The following ADAM23 variants were observed in gnomAD, a reference collection of about 807,000 sequenced individuals.
ADAM23 encodes ADAM metallopeptidase domain 23.
In ADAM23, 33 loss-of-function variants were observed where a neutral mutation model predicts 120.1. The ratio of observed to expected loss-of-function variants is 0.27; its 90% CI spans 0.21 to 0.37. ADAM23 has a LOEUF of 0.37. Ranked by LOEUF, ADAM23 falls within the 10% of genes least tolerant of loss-of-function variation. ADAM23 has a pLI of 1.00. For synonymous variants in ADAM23, 367 were observed against 375.2 expected (o/e 0.98, Z 0.25); for missense variants, 862 against 1,058.2 (o/e 0.81, Z 2.57).
At chr2:206,569,742 C>G (rs1697959059) in intron 15 of ADAM23, among the ~76,000 whole-genome samples, 1 of 152,158 alleles carries the variant, frequency 6.6e-6, no homozygotes, top group Non-Finnish European at 1.5e-5. Context: ...GACTTTTCCA[C>G]AGGGGGAGTC....
Position 206,565,119 on chromosome 2 carries a change from T to G in ADAM23, c.1394+51T>G, listed in dbSNP as rs556155014. 6 of 1,575,596 alleles carry G rather than the reference T, an allele frequency of 3.8e-6. 1 individual carries two copies. In the South Asian group the frequency reaches 6.7e-5, roughly 18 times the overall value. On this transcript the variant is annotated intron_variant, in intron 14 of 25. Coordinates refer to ENST00000264377, the MANE Select transcript of ADAM23 (RefSeq NM_003812.4). ...GATATATGCCTTTTGCTAAAATTGC[T>G]GTGTAGAGTTAGAAACAAGGTCTCT...
intron 2 of ADAM23, among the ~76,000 whole-genome samples, chr2:206,461,351 G>A (rs372205864): frequency 1.3e-5 from 2 of 151,936 alleles, no homozygotes; most frequent in East Asian, 1.9e-4. Flanking sequence ...GTGACCCATC[G>A]CGTCTGGCTT....
chr2:206,580,884 A>G (rs1016322024), intron 18 of ADAM23, among the ~76,000 whole-genome samples: 15 of 152,100 alleles, frequency 9.9e-5, no homozygotes, highest in African/African-American at 3.4e-4. Context: ...TATCATTTCA[A>G]TCTCACTGCT....
intron 2 of ADAM23, among the ~76,000 whole-genome samples, chr2:206,479,478 A>T (rs1435756694): frequency 1.3e-5 from 2 of 152,158 alleles, no homozygotes; most frequent in Non-Finnish European, 2.9e-5. Flanking sequence ...TATTCTTAGG[A>T]AGTAAATTTT....
chr2:206,600,625 T>C (rs1243612896), intron 24 of ADAM23, among the ~76,000 whole-genome samples: 1 of 152,226 alleles, frequency 6.6e-6, no homozygotes, highest in African/African-American at 2.4e-5. Flanking sequence ...TTTGTGTATT[T>C]CTTTTATTTT....
At chr2:206,531,762 C>G (rs1344301214) in intron 4 of ADAM23, among the ~76,000 whole-genome samples, 2 of 152,288 alleles carry the variant, frequency 1.3e-5, no homozygotes, top group Non-Finnish European at 2.9e-5. Flanking sequence ...GTGGGGAAAC[C>G]TCACTGGATT....
intron 22 of ADAM23, 59 bp from the exon 23 acceptor site, chr2:206,594,678 C>G (rs1471919293): frequency 6.3e-6 from 10 of 1,591,510 alleles, no homozygotes; most frequent in Non-Finnish European, 8.6e-6. Context: ...AAGCCTCATT[C>G]ATGGAATGAT....
intron 18 of ADAM23, among the ~76,000 whole-genome samples, chr2:206,582,781 G>T (rs1464829025): frequency 6.6e-6 from 1 of 152,156 alleles, no homozygotes; most frequent in Non-Finnish European, 1.5e-5. Context: ...GCATTTGTTT[G>T]TCTGAAAACG....
rs886225760 is a variant in ADAM23, at chr2:206,564,954, CA to C, written c.1346-59del. 8.3e-6 allele frequency: 13 copies of C among 1,575,344 alleles called. No homozygotes were observed. The African/African-American group carries it at 9.5e-5, about 11-fold the overall frequency. On this transcript the variant is annotated intron_variant, in intron 13 of 25. Transcript: ENST00000264377. ...AGAATTATTGTAGGAGTTGTAATACCAAAAAAATATGTGACTTTCTTTGTTT... is the reference window on the plus strand; with the variant it reads ...AGAATTATTGTAGGAGTTGTAATACCAAAAAATATGTGACTTTCTTTGTTT...
intron 2 of ADAM23, among the ~76,000 whole-genome samples, chr2:206,479,313 TA>T (rs1441252690): frequency 6.6e-6 from 1 of 152,198 alleles, no homozygotes; most frequent in Non-Finnish European, 1.5e-5. Flanking sequence ...TGCTATAAAA[TA>T]AGCCTTTTAC....
At chr2:206,574,533 G>T (rs558643946) in intron 18 of ADAM23, among the ~76,000 whole-genome samples, 1 of 151,462 alleles carries the variant, frequency 6.6e-6, no homozygotes, top group Non-Finnish European at 1.5e-5. Context: ...ATCTTAAACA[G>T]TACACTCACA....
At chr2:206,503,769 A>G (rs1165792090) in intron 3 of ADAM23, among the ~76,000 whole-genome samples, 1 of 152,068 alleles carries the variant, frequency 6.6e-6, no homozygotes, top group Non-Finnish European at 1.5e-5. Flanking sequence ...TGGCCTTTTT[A>G]ATGGCTGCTG....
chr2:206,443,785 G>C lies in ADAM23; in HGVS notation c.-82G>C, dbSNP rs1695010140. On this transcript the variant is annotated 5_prime_UTR_variant, in exon 1 of 26. It removes the in-frame stop codon of an upstream open reading frame in the 5' UTR. Coordinates refer to ENST00000264377, the MANE Select transcript of ADAM23 (RefSeq NM_003812.4). ...GGCACCATGCGCGCCGAGCCGGCGTGACCGGCTCCGCCCGCGGCCGCCCCG... is the reference window on the plus strand; with the variant it reads ...GGCACCATGCGCGCCGAGCCGGCGTCACCGGCTCCGCCCGCGGCCGCCCCG... 1.2e-6 allele frequency: 1 copy of C among 813,582 alleles called. No homozygotes were observed. The highest frequency in any genetic ancestry group is 1.5e-6 in the Non-Finnish European group (1 of 670,400). 50.4% of individuals were successfully genotyped at this position (813,582 alleles called of 1,614,324 possible).
At chr2:206,591,380 T>C (rs922771230) in intron 21 of ADAM23, among the ~76,000 whole-genome samples, 1 of 152,244 alleles carries the variant, frequency 6.6e-6, no homozygotes, top group Admixed American at 6.5e-5. Context: ...CTGCCTGTTT[T>C]CATCCCTAAT....
At chr2:206,614,671 C>T (rs1226325494) in intron 25 of ADAM23, among the ~76,000 whole-genome samples, 1 of 151,918 alleles carries the variant, frequency 6.6e-6, no homozygotes, top group Admixed American at 6.6e-5. Context: ...AAAGAGTTAT[C>T]TGAATGTCAA....
chr2:206,544,757 T>C (rs1396215908), intron 6 of ADAM23, among the ~76,000 whole-genome samples: 1 of 151,624 alleles, frequency 6.6e-6, no homozygotes, highest in African/African-American at 2.4e-5. Flanking sequence ...GGACTACAGG[T>C]GCCCGCCACC....
At chr2:206,499,852 A>C (rs896660051) in intron 3 of ADAM23, among the ~76,000 whole-genome samples, 16 of 152,056 alleles carry the variant, frequency 1.1e-4, no homozygotes, top group African/African-American at 3.9e-4. Context: ...TCAGTGAACT[A>C]TGAAAAAATG....
chr2:206,458,586 T>C (rs930176115), intron 2 of ADAM23, among the ~76,000 whole-genome samples: 1 of 152,220 alleles, frequency 6.6e-6, no homozygotes, highest in African/African-American at 2.4e-5. Context: ...CCTTTGCCTA[T>C]AATCAGGGCA....
At chr2:206,520,014 C>T (rs1025500683) in intron 3 of ADAM23, among the ~76,000 whole-genome samples, 13 of 151,386 alleles carry the variant, frequency 8.6e-5, no homozygotes, top group African/African-American at 3.2e-4. Flanking sequence ...GAGCCTGCCT[C>T]AAAAAAATAA....
Sources: allele counts gnomAD v4.1 joint callset (sites outside exome capture counted in the v4.1 genomes callset), GRCh38; gene constraint gnomAD v4.1.1; transcripts MANE v1.5; gene names NCBI Gene and HGNC (gene_info 2026-07-23, HGNC 2026-07-21).